EPB41L3: variants seen among roughly 807,000 people sequenced by gnomAD.
EPB41L3 encodes erythrocyte membrane protein band 4.1 like 3.
EPB41L3 carries 57 observed loss-of-function variants against 127.1 expected under a neutral mutation model. The observed-to-expected ratio is 0.45, with a 90% CI of 0.36 to 0.56. The LOEUF is 0.56. Ranked by LOEUF, EPB41L3 falls within the 20% of genes least tolerant of loss-of-function variation. The pLI is 0.00. For missense variants in EPB41L3, 1,273 were observed against 1,372.2 expected (o/e 0.93, Z 1.14); for synonymous variants, 572 against 549.5 (o/e 1.04, Z -0.57).
intron 1 of EPB41L3, among the ~76,000 whole-genome samples, chr18:5,501,037 G>A (rs529909059): frequency 8.1e-4 from 124 of 152,240 alleles, no homozygotes; most frequent in African/African-American, 2.9e-3. Flanking sequence ...CAAGCTGCCT[G>A]TAAATATTTG....
intron 3 of EPB41L3, among the ~76,000 whole-genome samples, chr18:5,474,965 C>G (rs531266869): frequency 6.6e-6 from 1 of 152,360 alleles, no homozygotes; most frequent in South Asian, 2.1e-4. Flanking sequence ...TTTTAACTTA[C>G]AATCTGACTT....
At chr18:5,501,239 G>GTAAT (rs1431698577) in intron 1 of EPB41L3, among the ~76,000 whole-genome samples, 1 of 151,966 alleles carries the variant, frequency 6.6e-6, no homozygotes, top group Non-Finnish European at 1.5e-5. Context: ...ATCCTACCAA[G>GTAAT]TAACCATTAT....
chr18:5,423,181 C>A (rs1364294896), intron 11 of EPB41L3, among the ~76,000 whole-genome samples, 197 bp downstream of exon 11: 2 of 152,086 alleles, frequency 1.3e-5, no homozygotes, highest in Non-Finnish European at 2.9e-5. Context: ...TTTACATAAA[C>A]CTGCAGATGT....
At chr18:5,477,881 C>T (rs1224986428) in intron 3 of EPB41L3, among the ~76,000 whole-genome samples, 1 of 152,126 alleles carries the variant, frequency 6.6e-6, no homozygotes, top group East Asian at 1.9e-4. Flanking sequence ...TAACAAGTGA[C>T]ATGGCCATAA....
chr18:5,522,620 C>T (rs943233401), intron 1 of EPB41L3, among the ~76,000 whole-genome samples: 14 of 152,118 alleles, frequency 9.2e-5, no homozygotes, highest in Non-Finnish European at 1.6e-4. Flanking sequence ...AGTCTTCATG[C>T]CATAAAATTT....
At chr18:5,435,955 C>A (rs745511529) in intron 6 of EPB41L3, among the ~76,000 whole-genome samples, 1 of 152,044 alleles carries the variant, frequency 6.6e-6, no homozygotes, top group Non-Finnish European at 1.5e-5. Context: ...CCTTAAAATT[C>A]GAGAATCTTG....
intron 3 of EPB41L3, among the ~76,000 whole-genome samples, chr18:5,566,555 C>A (rs1256664149): frequency 6.6e-6 from 1 of 152,054 alleles, no homozygotes; most frequent in Non-Finnish European, 1.5e-5. Flanking sequence ...TTTATAGATT[C>A]AATGCCATCC....
At position 5,393,467 on chromosome 18, in the gene EPB41L3, G is replaced by A; in HGVS notation, c.*18C>T. On this transcript the variant is annotated 3_prime_UTR_variant, in exon 23 of 23. Transcript: ENST00000341928. The stretch of plus-strand genomic sequence containing the variant: ...TTTGCATGACTGCATTCATGTGCAA[G>A]CTAAGTTATTCCTGCAAAAAAGACA... The A allele has an allele frequency of 1.4e-6, 1 of 701,568 alleles. No homozygotes were observed. Among genetic ancestry groups the A allele is most frequent in the South Asian group, 1.5e-5 (1 of 67,324 alleles). 43.5% of individuals were successfully genotyped at this position (701,568 alleles called of 1,614,324 possible). A position where few individuals can be genotyped will look rare whatever the true frequency, so the allele number is the denominator to read the frequency against.
chr18:5,627,238 CGCTT>C (rs1233259874), intron 1 of EPB41L3, among the ~76,000 whole-genome samples: 2 of 152,200 alleles, frequency 1.3e-5, no homozygotes, highest in Non-Finnish European at 2.9e-5. Context: ...AAAATCATAA[CGCTT>C]CCTTCCTTTT....
chr18:5,437,862 T>C (rs117320064), intron 6 of EPB41L3, among the ~76,000 whole-genome samples, 173 bp downstream of exon 6: 3,295 of 152,284 alleles, frequency 0.022, 117 homozygotes, highest in East Asian at 0.17. Flanking sequence ...AGTGAAAAGA[T>C]AGGAACTGGC....
At chr18:5,473,393 C>T (rs776079882) in intron 3 of EPB41L3, among the ~76,000 whole-genome samples, 11 of 151,888 alleles carry the variant, frequency 7.2e-5, no homozygotes, top group Admixed American at 2.6e-4. Flanking sequence ...GGGAAACAAA[C>T]CAAACTGCAC....
chr18:5,572,501 A>T (rs1317777943), intron 3 of EPB41L3, among the ~76,000 whole-genome samples: 2 of 152,224 alleles, frequency 1.3e-5, no homozygotes, highest in Non-Finnish European at 2.9e-5. Context: ...CAAACAAAAC[A>T]GTCACATGGA....
chr18:5,525,481 T>C (rs1221774091), intron 1 of EPB41L3, among the ~76,000 whole-genome samples: 2 of 152,210 alleles, frequency 1.3e-5, no homozygotes, highest in African/African-American at 2.4e-5. Context: ...ATGCACACTT[T>C]ACAGGGGATG....
chr18:5,505,588 A>C (rs1598413355), intron 1 of EPB41L3, among the ~76,000 whole-genome samples: 2 of 96,128 alleles, frequency 2.1e-5, no homozygotes, highest in Admixed American at 1.2e-4. Flanking sequence ...CTTCACCTCC[A>C]CCCCTACTCT....
At chr18:5,447,300 A>G (rs1397926123) in intron 3 of EPB41L3, among the ~76,000 whole-genome samples, 1 of 152,198 alleles carries the variant, frequency 6.6e-6, no homozygotes, top group Non-Finnish European at 1.5e-5. Flanking sequence ...ACAGTAGAAT[A>G]ACTAATGTAG....
At chr18:5,600,987 C>G (rs1285158420) in intron 3 of EPB41L3, among the ~76,000 whole-genome samples, 1 of 152,128 alleles carries the variant, frequency 6.6e-6, no homozygotes, top group African/African-American at 2.4e-5. Context: ...CATGGCATTC[C>G]AGTTAGAGAT....
chr18:5,415,534 C>A (rs189398365), intron 13 of EPB41L3, among the ~76,000 whole-genome samples: 1 of 152,168 alleles, frequency 6.6e-6, no homozygotes, highest in East Asian at 1.9e-4. Flanking sequence ...ACACAGCTGA[C>A]GGGTTATATA....
chr18:5,399,767 G>A (rs867931964), intron 16 of EPB41L3: 5 of 159,450 alleles, frequency 3.1e-5, no homozygotes, highest in East Asian at 1.8e-4. Flanking sequence ...AGTTTTCCTC[G>A]TTAAATATAA....
chr18:5,453,125 C>A (rs1213607676), intron 3 of EPB41L3, among the ~76,000 whole-genome samples: 3 of 152,212 alleles, frequency 2.0e-5, no homozygotes, highest in East Asian at 1.9e-4. Context: ...CAGGAAGGCA[C>A]AAATTGCGCC....
Sources: gnomAD v4.1 joint callset for allele counts (sites outside exome capture counted in the v4.1 genomes callset) on GRCh38, gnomAD v4.1.1 for gene constraint, MANE v1.5 for transcripts, NCBI Gene and HGNC (gene_info 2026-07-23, HGNC 2026-07-21) for gene names.